Variants in USP32 observed in about 807,000 individuals in gnomAD.
USP32 encodes the protein ubiquitin specific peptidase 32, also known as ubiquitin carboxyl-terminal hydrolase 32.
In USP32, 59 loss-of-function variants were observed where a neutral mutation model predicts 204.8. The observed-to-expected ratio is 0.29, with a 90% CI of 0.23 to 0.36. USP32 has a LOEUF of 0.36. Ranked by LOEUF, USP32 falls within the 10% of genes least tolerant of loss-of-function variation. USP32 has a pLI of 1.00. For missense variants in USP32, 1,160 were observed against 1,946.4 expected, an observed-to-expected ratio of 0.60 and a Z score of 7.60; for synonymous variants, 517 against 678.4, an observed-to-expected ratio of 0.76 and a Z score of 3.70.
At chr17:60,253,630 G>A (rs771489455) in intron 10 of USP32, among the ~76,000 whole-genome samples, 1 of 152,028 alleles carries the variant, frequency 6.6e-6, no homozygotes, top group Non-Finnish European at 1.5e-5. Context: ...GCTGGGGGTG[G>A]TGGCACACGC....
upstream of USP32, chr17:60,392,214 T>A: frequency 6.0e-6 from 2 of 330,888 alleles, no homozygotes; most frequent in Non-Finnish European, 5.7e-6. Flanking sequence ...CCTTCCCTCC[T>A]CACGCCCTCT....
intron 12 of USP32, among the ~76,000 whole-genome samples, chr17:60,229,810 CTTTT>C (rs956327830): frequency 4.6e-5 from 7 of 151,570 alleles, no homozygotes; most frequent in Non-Finnish European, 7.4e-5. Flanking sequence ...TTACAAATTA[CTTTT>C]TTTTTCCTTC....
intron 1 of USP32, among the ~76,000 whole-genome samples, chr17:60,379,075 T>C (rs940469851): frequency 6.6e-6 from 1 of 152,148 alleles, no homozygotes; most frequent in Admixed American, 6.5e-5. Flanking sequence ...TAGTAAGACA[T>C]AGTTGAAAAT....
intron 27 of USP32, 85 bp from the exon 28 acceptor site, chr17:60,193,015 T>G: frequency 7.0e-7 from 1 of 1,430,722 alleles, no homozygotes; most frequent in Non-Finnish European, 9.8e-7. Context: ...GAAGTAACCC[T>G]AGGAAGGGGC....
At chr17:60,261,178 T>C (rs1598158778) in intron 9 of USP32, among the ~76,000 whole-genome samples, 1 of 152,204 alleles carries the variant, frequency 6.6e-6, no homozygotes, top group East Asian at 1.9e-4. Context: ...TCAATGATTC[T>C]GCACTGATGA....
chr17:60,282,950 G>A (rs2087005459), intron 5 of USP32, among the ~76,000 whole-genome samples: 2 of 152,348 alleles, frequency 1.3e-5, no homozygotes, highest in South Asian at 4.1e-4. Context: ...CAAGGGGCTT[G>A]CAACTTGTGG....
At chr17:60,338,815 C>A (rs2145985554) in intron 2 of USP32, among the ~76,000 whole-genome samples, 1 of 152,258 alleles carries the variant, frequency 6.6e-6, no homozygotes, top group Non-Finnish European at 1.5e-5. Flanking sequence ...ACCTTGTTTT[C>A]TCAATCCCCT....
Position 60,192,873 on chromosome 17 carries a change from C to A in USP32, c.3492G>T (p.Gly1164=). ...PFTLRVVQKD[G]NSCAWCPWYR... is the part of the protein sequence containing the mutation. ...ACCATGGGCACCAAGCACAGGAGTTCCCATCTTTCTGCACAACTCGTAGAG... is the reference window on the plus strand; with the variant it reads ...ACCATGGGCACCAAGCACAGGAGTTACCATCTTTCTGCACAACTCGTAGAG... The change falls in exon 28 of 34, where the codon GGG becomes GGT. Residue 1164 remains glycine, a synonymous_variant. Coordinates refer to ENST00000300896, the MANE Select transcript of USP32 (RefSeq NM_032582.4). 6.2e-7 allele frequency: 1 copy of A among 1,614,010 alleles called. No individual in the cohort carries two copies. Among genetic ancestry groups the A allele is most frequent in the Non-Finnish European group, 8.5e-7 (1 of 1,179,894 alleles).
At chr17:60,188,842 C>A (rs763597962) in intron 29 of USP32, among the ~76,000 whole-genome samples, 1 of 152,174 alleles carries the variant, frequency 6.6e-6, no homozygotes, top group African/African-American at 2.4e-5. Flanking sequence ...TTCAGAAACC[C>A]TACATGTAGG....
chr17:60,398,394 CAAAAAAA>C (rs1567896244), intron 1 of USP32, among the ~76,000 whole-genome samples: 2 of 148,808 alleles, frequency 1.3e-5, no homozygotes, highest in Admixed American at 6.7e-5. Context: ...GACCTTGCCT[CAAAAAAA>C]GAAAAAAGAA....
At chr17:60,325,235 G>A (rs776279195) in intron 2 of USP32, among the ~76,000 whole-genome samples, 1 of 151,994 alleles carries the variant, frequency 6.6e-6, no homozygotes, top group Non-Finnish European at 1.5e-5. Flanking sequence ...CCAACATGGT[G>A]AAACCCTGTC....
intron 12 of USP32, among the ~76,000 whole-genome samples, chr17:60,235,724 A>C (rs1043313488): frequency 1.3e-5 from 2 of 152,228 alleles, no homozygotes; most frequent in African/African-American, 2.4e-5. Context: ...ATAAGCTTTA[A>C]AGTCAGTCCT....
intron 16 of USP32, among the ~76,000 whole-genome samples, chr17:60,216,615 A>G (rs1363139483): frequency 6.6e-6 from 1 of 152,290 alleles, no homozygotes; most frequent in Non-Finnish European, 1.5e-5. Context: ...CACCTAAAAA[A>G]CAATGACTTC....
rs201996312 is a variant in USP32 at position 60,329,277 on chromosome 17, TG to T, written c.186+16203del. Among the ~76,000 whole-genome samples the T allele has an allele frequency of 5.6e-3, 735 of 130,508 alleles. 9 individuals carry two copies. The highest frequency in any genetic ancestry group is 0.031 in the African/African-American group (703 of 22,560). The allele number at this position is 130,508 out of a possible 152,430, so 85.6% of individuals were successfully genotyped here. A position where few individuals can be genotyped will look rare whatever the true frequency, so the allele number is the denominator to read the frequency against. The stretch of plus-strand genomic sequence containing the variant: ...GTTTTTGCCTGACAATGTGTGTGTG[TG>T]TTTTTTTTTTCATGTAAGAATTGTC... On this transcript the variant is annotated intron_variant, in intron 2 of 33. Coordinates refer to ENST00000300896, the MANE Select transcript of USP32 (RefSeq NM_032582.4).
intron 9 of USP32, among the ~76,000 whole-genome samples, chr17:60,260,910 C>T (rs755305643): frequency 6.6e-5 from 10 of 151,964 alleles, no homozygotes; most frequent in Admixed American, 2.6e-4. Context: ...ACAAAAAAAA[C>T]CCAGAAGAAC....
chr17:60,218,278 G>A (rs2085155867), intron 16 of USP32, among the ~76,000 whole-genome samples: 1 of 152,126 alleles, frequency 6.6e-6, no homozygotes, highest in Non-Finnish European at 1.5e-5. Context: ...CAGCTACTCA[G>A]GAGGCTGAGG....
At chr17:60,201,087 G>A (rs1287347485) in intron 26 of USP32, among the ~76,000 whole-genome samples, 2 of 151,946 alleles carry the variant, frequency 1.3e-5, no homozygotes, top group Non-Finnish European at 2.9e-5. Context: ...TAAACTCCTG[G>A]GCTCAAGCAA....
chr17:60,349,578 G>GAAAAA (rs757370384), intron 1 of USP32, among the ~76,000 whole-genome samples: 24 of 27,662 alleles, frequency 8.7e-4, no homozygotes, highest in South Asian at 3.3e-3. Context: ...TGTCTCAAAA[G>GAAAAA]AAAAAAAAAA....
In USP32 at chr17:60,358,859, C is replaced by A. The variant is rs963572587; in HGVS notation, c.59-13251G>T. ...GCTTAGTCTATGATTACAGGGCCAA[C>A]AGGGATGTCACTTGCCAAGATTGAG... is the stretch of plus-strand genomic sequence containing the variant. On this transcript the variant is annotated intron_variant, in intron 1 of 33. Transcript: ENST00000300896. Among the ~76,000 whole-genome samples, 5 of 152,210 alleles carry A rather than the reference C, an allele frequency of 3.3e-5. No homozygotes were observed. The East Asian group carries it at 9.6e-4, about 29-fold the overall frequency.
Sources: gnomAD v4.1 joint callset for allele counts (sites outside exome capture counted in the v4.1 genomes callset) on GRCh38, gnomAD v4.1.1 for gene constraint, MANE v1.5 for transcripts, NCBI Gene and HGNC (gene_info 2026-07-23, HGNC 2026-07-21) for gene names.